TSPAN14: variants seen among roughly 807,000 people sequenced by gnomAD.
TSPAN14 encodes tetraspanin 14, also known as tetraspanin-14.
Under a neutral mutation model 36.6 loss-of-function variants are expected in TSPAN14, and 16 were observed. That is an observed-to-expected ratio of 0.44 (90% confidence interval 0.30 to 0.66). The LOEUF (loss-of-function observed/expected upper bound fraction) is 0.66. Among genes scored for constraint, TSPAN14 ranks in the 30% least tolerant of loss-of-function variants. TSPAN14 has a pLI of 0.12. For synonymous variants in TSPAN14, 139 were observed against 143.8 expected (o/e 0.97, Z 0.24); for missense variants, 231 against 355.1 (o/e 0.65, Z 2.81).
chr10:80,501,910 C>T (rs1188230596), intron 2 of TSPAN14, among the ~76,000 whole-genome samples: 1 of 152,202 alleles, frequency 6.6e-6, no homozygotes, highest in Non-Finnish European at 1.5e-5. Flanking sequence ...CGTTGTTGGG[C>T]TGCAACTCTG....
At chr10:80,479,510 T>C (rs1847124324) in intron 1 of TSPAN14, among the ~76,000 whole-genome samples, 1 of 152,216 alleles carries the variant, frequency 6.6e-6, no homozygotes, top group South Asian at 2.1e-4. Context: ...TTTCTACATA[T>C]GGCTAGCCAG....
intron 1 of TSPAN14, among the ~76,000 whole-genome samples, chr10:80,464,843 C>A (rs1333422641): frequency 1.3e-5 from 2 of 152,020 alleles, no homozygotes; most frequent in Non-Finnish European, 2.9e-5. Context: ...CCTGCTGCTT[C>A]CCATTGTAGA....
chr10:80,517,408 C>G (rs1840994570), intron 8 of TSPAN14, among the ~76,000 whole-genome samples: 1 of 152,232 alleles, frequency 6.6e-6, no homozygotes, highest in Admixed American at 6.5e-5. Flanking sequence ...AGTCTCCTCT[C>G]ATGATTTCCC....
chr10:80,509,591 G>A lies in TSPAN14; in HGVS notation c.450+120G>A. The A allele has an allele frequency of 2.8e-6, 3 of 1,084,824 alleles. No individual in the cohort carries two copies. Among genetic ancestry groups the A allele is most frequent in the Non-Finnish European group, 3.9e-6 (3 of 764,208 alleles). The allele number at this position is 1,084,824 out of a possible 1,614,324, so 67.2% of individuals were successfully genotyped here. On this transcript the variant is annotated intron_variant, in intron 5 of 8. Transcript: ENST00000429989. The surrounding 1 kb of genome is among the most constrained non-coding windows in gnomAD (Gnocchi z 4.7). ...TTGTCTGCCTGCAGCTTGGCAGACA[G>A]CAGGGAGGCCGTGGAACAAGCCACT...
At chr10:80,487,565 C>T (rs141079020) in intron 1 of TSPAN14, among the ~76,000 whole-genome samples, 2 of 152,244 alleles carry the variant, frequency 1.3e-5, no homozygotes, top group East Asian at 1.9e-4. Context: ...AAGGAAGGCG[C>T]CTGTGTCTCT....
At chr10:80,513,696 A>G (rs994105066) in intron 6 of TSPAN14, among the ~76,000 whole-genome samples, 5 of 152,268 alleles carry the variant, frequency 3.3e-5, no homozygotes, top group African/African-American at 9.6e-5. Flanking sequence ...CGTGAAAATT[A>G]TATGAAATTC....
chr10:80,507,391 A>G lies in TSPAN14; in HGVS notation c.279+17A>G. The G allele has an allele frequency of 6.2e-7, 1 of 1,614,118 alleles. No individual in the cohort carries two copies. The highest frequency in any genetic ancestry group is 8.5e-7 in the Non-Finnish European group (1 of 1,180,028). ...CTCAACTTTGTGAGTGGCCACAGAG[A>G]CAAGAGTGGGATAGGATGCAATGGG... On this transcript the variant is annotated intron_variant, in intron 4 of 8. Coordinates refer to ENST00000429989, the Ensembl canonical transcript of TSPAN14.
intron 8 of TSPAN14, 70 bp downstream of exon 8, chr10:80,516,393 G>A: frequency 1.9e-6 from 3 of 1,602,726 alleles, no homozygotes; most frequent in Non-Finnish European, 2.6e-6. Flanking sequence ...TTAACATAGA[G>A]TGCATGGGTC....
At chr10:80,490,410 G>C (rs1419863438) in intron 2 of TSPAN14, among the ~76,000 whole-genome samples, 1 of 152,134 alleles carries the variant, frequency 6.6e-6, no homozygotes, top group Admixed American at 6.6e-5. Context: ...AGGTTGGGTC[G>C]AGGAAGAAAA....
intron 7 of TSPAN14, 32 bp downstream of exon 7, chr10:80,514,095 T>C (rs774735228): frequency 6.3e-7 from 1 of 1,589,186 alleles, no homozygotes; most frequent in Admixed American, 1.7e-5. Flanking sequence ...ACTTGAAGAG[T>C]TCTTTAGGTT....
intron 8 of TSPAN14, 106 bp downstream of exon 8, chr10:80,516,429 C>A: frequency 1.3e-6 from 2 of 1,511,536 alleles, no homozygotes; most frequent in Middle Eastern, 2.2e-4. Flanking sequence ...ATTAAGGAAG[C>A]TTGCAGAAGA....
At chr10:80,454,959 G>A (rs775205416) in intron 1 of TSPAN14, among the ~76,000 whole-genome samples, 14 of 152,210 alleles carry the variant, frequency 9.2e-5, no homozygotes, top group Non-Finnish European at 1.8e-4. Context: ...GGTTTGGGAC[G>A]GCCGGAGTTT....
At chr10:80,467,902 G>T (rs1323399616) in intron 1 of TSPAN14, among the ~76,000 whole-genome samples, 2 of 152,212 alleles carry the variant, frequency 1.3e-5, no homozygotes, top group Non-Finnish European at 2.9e-5. Flanking sequence ...CCCCTCTGTT[G>T]TGAAGTGGAA....
At position 80,489,323 on chromosome 10, in the gene TSPAN14, A is replaced by G. The variant is rs1847798456; in HGVS notation, c.81+9A>G. 1 of 1,529,814 alleles carries G rather than the reference A, an allele frequency of 6.5e-7. No individual in the cohort carries two copies. Among genetic ancestry groups the G allele is most frequent in the Non-Finnish European group, 8.9e-7 (1 of 1,122,482 alleles). The allele number at this position is 1,529,814 out of a possible 1,614,324, so 94.8% of individuals were successfully genotyped here. ...ACAACATCATCTTCTGGGTAAGTGGATGAGAGCTGCCACATTCCCTTGTTT... is the reference window on the plus strand; with the variant it reads ...ACAACATCATCTTCTGGGTAAGTGGGTGAGAGCTGCCACATTCCCTTGTTT... On this transcript the variant is annotated intron_variant, in intron 2 of 8. Coordinates refer to ENST00000429989, the Ensembl canonical transcript of TSPAN14.
intron 1 of TSPAN14, among the ~76,000 whole-genome samples, chr10:80,478,055 A>T (rs1296093781): frequency 6.6e-6 from 1 of 152,192 alleles, no homozygotes; most frequent in Non-Finnish European, 1.5e-5. Context: ...ACTGCCAGGG[A>T]TTACTAGATG....
chr10:80,474,291 G>A (rs1039736967), intron 1 of TSPAN14, among the ~76,000 whole-genome samples: 21 of 152,034 alleles, frequency 1.4e-4, no homozygotes, highest in African/African-American at 5.1e-4. Context: ...GGGGGCATGG[G>A]GTGTATGTAG....
At chr10:80,494,388 C>T (rs1187461254) in intron 2 of TSPAN14, among the ~76,000 whole-genome samples, 1 of 152,212 alleles carries the variant, frequency 6.6e-6, no homozygotes, top group Non-Finnish European at 1.5e-5. Flanking sequence ...TTGAGAGAGT[C>T]TTGCGAATTT....
chr10:80,496,167 A>C (rs992486799), intron 2 of TSPAN14, among the ~76,000 whole-genome samples: 5 of 152,198 alleles, frequency 3.3e-5, no homozygotes, highest in African/African-American at 1.2e-4. Context: ...GTACATTCAC[A>C]TTCACCTTGA....
chr10:80,511,111 G>A (rs1433771611), intron 5 of TSPAN14, among the ~76,000 whole-genome samples: 2 of 152,172 alleles, frequency 1.3e-5, no homozygotes, highest in Non-Finnish European at 2.9e-5. Flanking sequence ...AGCTGTAAGG[G>A]CAAATGCAAA....
Sources: gnomAD v4.1 joint callset for allele counts (sites outside exome capture counted in the v4.1 genomes callset) on GRCh38, gnomAD v4.1.1 for gene constraint, Gnocchi (gnomAD v3.1) non-coding constraint, MANE v1.5 for transcripts, NCBI Gene and HGNC (gene_info 2026-07-23, HGNC 2026-07-21) for gene names.